CDH12: variants seen among roughly 807,000 people sequenced by gnomAD.
CDH12 encodes cadherin 12.
Under a neutral mutation model 74.1 loss-of-function variants are expected in CDH12, and 41 were observed. That is an observed-to-expected ratio of 0.55 (90% CI 0.43 to 0.72). CDH12 has a LOEUF of 0.72. Ranked by LOEUF, CDH12 falls within the 30% of genes least tolerant of loss-of-function variation. The pLI is 0.00. For missense variants in CDH12, 945 were observed against 977.2 expected (o/e 0.97, Z 0.44); for synonymous variants, 399 against 355.0 (o/e 1.12, Z -1.39).
At chr5:22,342,842 C>A (rs1426293079) in intron 3 of CDH12, among the ~76,000 whole-genome samples, 3 of 145,596 alleles carry the variant, frequency 2.1e-5, no homozygotes, top group Non-Finnish European at 4.5e-5. Flanking sequence ...CTCTTTCTGT[C>A]TGTCTGTCTG....
At chr5:22,728,935 T>A (rs750969163) in intron 1 of CDH12, among the ~76,000 whole-genome samples, 26 of 151,776 alleles carry the variant, frequency 1.7e-4, no homozygotes, top group Non-Finnish European at 3.4e-4. Context: ...AAGCATGCAA[T>A]CCATAACAGC....
chr5:22,736,558 G>GA (rs1554062948), intron 1 of CDH12, among the ~76,000 whole-genome samples: 1 of 149,174 alleles, frequency 6.7e-6, no homozygotes, highest in Non-Finnish European at 1.5e-5. Context: ...TAGAGTCAGC[G>GA]TTTTTTTTTA....
intron 6 of CDH12, among the ~76,000 whole-genome samples, chr5:21,971,218 T>C (rs1580048969): frequency 6.6e-6 from 1 of 152,252 alleles, no homozygotes; most frequent in African/African-American, 2.4e-5. Context: ...TAAGTTTAAC[T>C]TTCTCAAAGA....
intron 1 of CDH12, among the ~76,000 whole-genome samples, chr5:22,593,024 C>T (rs1327491694): frequency 5.7e-5 from 7 of 122,716 alleles, no homozygotes; most frequent in Admixed American, 5.0e-4. Context: ...AGAGAGACTC[C>T]ATCTCAAAAA....
At chr5:21,970,839 CAAAAAAAAAAAAAA>C (rs1167373938) in intron 6 of CDH12, among the ~76,000 whole-genome samples, 62 of 27,792 alleles carry the variant, frequency 2.2e-3, no homozygotes, top group Non-Finnish European at 3.2e-3. Flanking sequence ...GACTCTTTCT[CAAAAAAAAAAAAAA>C]AAAAAAAAAA....
intron 1 of CDH12, among the ~76,000 whole-genome samples, chr5:22,529,197 A>T (rs1172654598): frequency 2.4e-5 from 2 of 82,162 alleles, no homozygotes; most frequent in African/African-American, 8.6e-5. Context: ...ATAGAGAGAG[A>T]GAGAGAGAGA....
chr5:22,731,677 T>C (rs1198073492), intron 1 of CDH12, among the ~76,000 whole-genome samples: 1 of 151,920 alleles, frequency 6.6e-6, no homozygotes, highest in African/African-American at 2.4e-5. Context: ...GGCAATATTG[T>C]TGGAAATGTT....
chr5:22,132,494 G>A (rs927662889), intron 4 of CDH12, among the ~76,000 whole-genome samples: 2 of 151,692 alleles, frequency 1.3e-5, no homozygotes, highest in South Asian at 2.1e-4. Context: ...TATTTCCCCC[G>A]AGAACACAGC....
intron 4 of CDH12, among the ~76,000 whole-genome samples, chr5:22,146,958 G>A (rs1263434281): frequency 6.6e-6 from 1 of 152,098 alleles, no homozygotes; most frequent in Non-Finnish European, 1.5e-5. Context: ...CCTTCAGGAA[G>A]CTTCAGACAT....
intron 14 of CDH12, among the ~76,000 whole-genome samples, chr5:21,752,870 CA>C (rs1329575057): frequency 6.6e-6 from 1 of 152,036 alleles, no homozygotes; most frequent in Non-Finnish European, 1.5e-5. Flanking sequence ...ATAAATCTTA[CA>C]AACTAAAGCA....
At chr5:22,170,137 T>A (rs538976956) in intron 4 of CDH12, among the ~76,000 whole-genome samples, 1 of 151,920 alleles carries the variant, frequency 6.6e-6, no homozygotes, top group East Asian at 1.9e-4. Context: ...AAGCTGAATG[T>A]CCCTCAGAAT....
chr5:22,455,100 A>G (rs1161901468), intron 2 of CDH12, among the ~76,000 whole-genome samples: 1 of 152,178 alleles, frequency 6.6e-6, no homozygotes, highest in Non-Finnish European at 1.5e-5. Context: ...GGAAATATAA[A>G]TAAAATTCTG....
intron 6 of CDH12, among the ~76,000 whole-genome samples, chr5:21,911,155 C>T (rs1347190659): frequency 6.6e-6 from 1 of 152,062 alleles, no homozygotes; most frequent in Non-Finnish European, 1.5e-5. Flanking sequence ...GGCTGTTTCT[C>T]TTCATTGATG....
chr5:21,845,263 A>C (rs1750102230), intron 7 of CDH12, among the ~76,000 whole-genome samples: 1 of 152,136 alleles, frequency 6.6e-6, no homozygotes, highest in Non-Finnish European at 1.5e-5. Flanking sequence ...GGATCATTTG[A>C]ATAATGCAAT....
At chr5:22,145,363 T>C (rs1210392496) in intron 4 of CDH12, among the ~76,000 whole-genome samples, 1 of 152,042 alleles carries the variant, frequency 6.6e-6, no homozygotes, top group Non-Finnish European at 1.5e-5. Flanking sequence ...CTTTGTTCTT[T>C]CCAGTACATT....
At chr5:22,686,255 ACTT>A (rs1380186532) in intron 1 of CDH12, among the ~76,000 whole-genome samples, 1 of 151,750 alleles carries the variant, frequency 6.6e-6, no homozygotes, top group East Asian at 1.9e-4. Context: ...GAGTTGTAAA[ACTT>A]CTTTTTATAT....
At chr5:21,860,960 T>C (rs1461935432) in intron 6 of CDH12, among the ~76,000 whole-genome samples, 1 of 152,056 alleles carries the variant, frequency 6.6e-6, no homozygotes. Context: ...ATCCATTAGT[T>C]CTGTCCCTGT....
At chr5:22,426,325 T>A (rs1172370878) in intron 2 of CDH12, among the ~76,000 whole-genome samples, 1 of 152,020 alleles carries the variant, frequency 6.6e-6, no homozygotes, top group Non-Finnish European at 1.5e-5. Flanking sequence ...TATATTGTTT[T>A]ATTTTATTTT....
At position 22,435,403 on chromosome 5, in the gene CDH12, T is replaced by C. The variant is rs369290467; in HGVS notation, c.-427-30052A>G. ...ATTTAATAACCCCCATATATATATATACACACACATATATATGTGTGTATA... is the reference window on the plus strand; with the variant it reads ...ATTTAATAACCCCCATATATATATACACACACACATATATATGTGTGTATA... On this transcript the variant is annotated intron_variant, in intron 2 of 14. Coordinates refer to ENST00000382254, the MANE Select transcript of CDH12 (RefSeq NM_004061.5). Among the ~76,000 whole-genome samples the C allele has an allele frequency of 4.0e-4, 60 of 151,734 alleles. No homozygotes were observed. The East Asian group carries it at 8.0e-3, about 20-fold the overall frequency.
Sources: allele counts gnomAD v4.1 joint callset (sites outside exome capture counted in the v4.1 genomes callset), GRCh38; gene constraint gnomAD v4.1.1; transcripts MANE v1.5; gene names NCBI Gene and HGNC (gene_info 2026-07-23, HGNC 2026-07-21).